The following ACP4 variants were observed in gnomAD, a reference collection of about 807,000 sequenced individuals.
The protein encoded by ACP4 is testicular acid phosphatase.
A neutral mutation model predicts 47.3 loss-of-function variants in ACP4; 49 were observed. The ratio of observed to expected loss-of-function variants is 1.04; its 90% CI spans 0.82 to 1.32. ACP4 has a LOEUF of 1.32. Among genes scored for constraint, ACP4 ranks in the 40% most tolerant of loss-of-function variants. The pLI, the probability that ACP4 is intolerant of heterozygous loss-of-function variation, is 0.00. For synonymous variants in ACP4, 299 were observed against 265.3 expected (o/e 1.13, Z -1.23); for missense variants, 594 against 579.3 (o/e 1.03, Z -0.26).
At chr19:50,791,058 G>A (rs1312967138) in intron 3 of ACP4, among the ~76,000 whole-genome samples, 198 bp downstream of exon 3, 1 of 151,510 alleles carries the variant, frequency 6.6e-6, no homozygotes, top group African/African-American at 2.4e-5. Context: ...GTCACATCTC[G>A]ACCTCTGACC....
intron 6 of ACP4, chr19:50,792,764 C>T (rs67367861): frequency 0.14 from 20,947 of 154,724 alleles, 1,858 homozygotes; most frequent in African/African-American, 0.26. Context: ...TCACTGCAGC[C>T]TCCATCTCCC....
Position 50,794,559 on chromosome 19 carries a change from G to A in ACP4, c.964G>A (p.Gly322Arg). Reference protein sequence around the residue: ...CLGFEFRKHLGNPAKDGGNVT... With the variant: ...CLGFEFRKHLRNPAKDGGNVT... ...CGGCTTTGAGTTCCGGAAGCACCTG[G>A]GGAATCCCGCCAAAGATGGAGGGTG... The change falls in exon 9 of 11, where the codon GGG becomes AGG. Residue 322 changes from glycine to arginine, a missense_variant. Gly to Arg is a moderately radical substitution (Grantham distance 125). Transcript: ENST00000270593. 2 of 1,614,050 alleles carry A rather than the reference G, an allele frequency of 1.2e-6. No homozygotes were observed. Among genetic ancestry groups the A allele is most frequent in the Non-Finnish European group, 1.7e-6 (2 of 1,180,008 alleles).
In ACP4 at chr19:50,794,767, C is replaced by T. The variant is rs961241782; in HGVS notation, c.987-19C>T. On this transcript the variant is annotated intron_variant, in intron 9 of 10. Coordinates refer to ENST00000270593, the MANE Select transcript of ACP4 (RefSeq NM_033068.3). ...CAATGACAGGAGGGAGGAGGTGCCA[C>T]CATGTCCTCTCTCTCCAGGAATGTC... 2.0e-5 allele frequency: 31 copies of T among 1,584,926 alleles called. No individual in the cohort carries two copies. In the South Asian group the frequency reaches 3.1e-4, roughly 16 times the overall value.
rs2089507971 is a variant in ACP4 at position 50,791,662 on chromosome 19, A to C, written c.310A>C (p.Ile104Leu). ...TCTCTCCACCCCGCTCCAGGTGTAC[A>C]TCCGCAGCACGGACTTTGACCGCAC... ...SPEYRREEVY[I>L]RSTDFDRTLE... The change falls in exon 4 of 11, where the codon ATC becomes CTC. Residue 104 changes from isoleucine to leucine, a missense_variant. Transcript: ENST00000270593. 4.3e-6 allele frequency: 7 copies of C among 1,611,320 alleles called. No homozygotes were observed. The highest frequency in any genetic ancestry group is 5.9e-6 in the Non-Finnish European group (7 of 1,178,414).
chr19:50,793,649 G>A (rs1374608659), intron 6 of ACP4, 35 bp from the exon 7 acceptor site: 3 of 1,606,460 alleles, frequency 1.9e-6, no homozygotes, highest in Non-Finnish European at 2.6e-6. Flanking sequence ...AAACTCGAGG[G>A]CTCAGGATGG....
At chr19:50,793,558 G>A (rs930110178) in intron 6 of ACP4, 126 bp from the exon 7 acceptor site, 61 of 1,378,304 alleles carry the variant, frequency 4.4e-5, no homozygotes, top group Non-Finnish European at 5.8e-5. Flanking sequence ...TCCACATCAT[G>A]ATTTCCCAGC....
Position 50,790,869 on chromosome 19 carries a change from A to T in ACP4, c.303+9A>T, listed in dbSNP as rs1331122739. The stretch of plus-strand genomic sequence containing the variant: ...AGTACCGGCGGGAGGAGGTAGGGCC[A>T]TAGTGACCCCCACCTGGCCCCCTGA... On this transcript the variant is annotated intron_variant, in intron 3 of 10. Transcript: ENST00000270593. 1.3e-6 allele frequency: 2 copies of T among 1,543,694 alleles called. No individual in the cohort carries two copies. The highest frequency in any genetic ancestry group is 4.9e-5 in the East Asian group (2 of 40,850).
chr19:50,794,094 C>A, intron 8 of ACP4, 124 bp downstream of exon 8: 2 of 1,126,614 alleles, frequency 1.8e-6, no homozygotes, highest in Non-Finnish European at 2.6e-6. Flanking sequence ...TAACCCGTAT[C>A]TCCAAACCCT....
chr19:50,793,558 G>C, intron 6 of ACP4, 126 bp from the exon 7 acceptor site: 1 of 1,378,424 alleles, frequency 7.3e-7, no homozygotes, highest in Non-Finnish European at 9.9e-7. Flanking sequence ...TCCACATCAT[G>C]ATTTCCCAGC....
rs966328950 is a variant in ACP4 at position 50,793,949 on chromosome 19, C to G, written c.840C>G (p.Leu280=). ...FSRVQRLGLP[L]KMVMYSAHDS... ...GGGTCCAGCGCCTGGGGCTGCCCCT[C>G]AAGATGGTCATGTACTCAGCTGTGA... is the stretch of plus-strand genomic sequence containing the variant. Residue 280 remains leucine (L), a synonymous_variant, in exon 8 of 11, where the codon CTC becomes CTG. Coordinates refer to ENST00000270593, the MANE Select transcript of ACP4 (RefSeq NM_033068.3). 7 of 1,614,088 alleles carry G rather than the reference C, an allele frequency of 4.3e-6. No homozygotes were observed. The Admixed American group carries it at 1.2e-4, about 27-fold the overall frequency.
rs1178209496 is a variant in ACP4, at chr19:50,794,919, C to T, written c.1120C>T (p.His374Tyr). The T allele has an allele frequency of 1.9e-6, 3 of 1,613,532 alleles. No homozygotes were observed. Among genetic ancestry groups the T allele is most frequent in the Admixed American group, 3.3e-5 (2 of 59,964 alleles). Residue 374 changes from histidine (H) to tyrosine (Y), a missense_variant, in exon 10 of 11, where the codon CAT (histidine) becomes TAT (tyrosine). Physicochemically the swap from His to Tyr is moderately conservative, Grantham distance 83. Coordinates refer to ENST00000270593, the MANE Select transcript of ACP4 (RefSeq NM_033068.3). ...GACTGCCCCGGCCCGGCCTCCCGCC[C>T]ATGGGGTCTCCTGCCATGGCCCCTA... ...QLTAPARPPA[H>Y]GVSCHGPYEA...
Position 50,790,804 on chromosome 19 carries a change from C to G in ACP4, c.247C>G (p.Arg83Gly). The G allele has an allele frequency of 1.3e-6, 2 of 1,548,546 alleles. No homozygotes were observed. Among genetic ancestry groups the G allele is most frequent in the Non-Finnish European group, 1.7e-6 (2 of 1,146,782 alleles). Residue 83 changes from arginine (R) to glycine (G), a missense_variant, in exon 3 of 11, where the codon CGC becomes GGC. Physicochemically the swap from Arg to Gly is moderately radical, Grantham distance 125. Coordinates refer to ENST00000270593, the MANE Select transcript of ACP4 (RefSeq NM_033068.3). ...GGTCCGCCAGCAGCTGGAGCTGGGC[C>G]GCTTCCTGAGGAGCCGCTACGAGGC... ...EGVRQQLELG[R>G]FLRSRYEAFL... is the part of the protein sequence containing the mutation.
chr19:50,791,723 T>G lies in ACP4; in HGVS notation c.371T>G (p.Phe124Cys). Reference protein sequence around the residue: ...ESAQANLAGLFPEAAPGSPEA... With the variant: ...ESAQANLAGLCPEAAPGSPEA... Reference sequence around the variant, plus strand: ...GCCCAGGCCAACCTTGCCGGGCTGTTTCCCGAGGCTGCTCCAGGGAGCCCC... The same window carrying G: ...GCCCAGGCCAACCTTGCCGGGCTGTGTCCCGAGGCTGCTCCAGGGAGCCCC... The change falls in exon 4 of 11, where the codon TTT (phenylalanine) becomes TGT (cysteine). Residue 124 changes from phenylalanine to cysteine, a missense_variant. Physicochemically the swap from Phe to Cys is radical, Grantham distance 205. Transcript: ENST00000270593. The G allele has an allele frequency of 6.2e-7, 1 of 1,613,224 alleles. No individual in the cohort carries two copies. The highest frequency in any genetic ancestry group is 8.5e-7 in the Non-Finnish European group (1 of 1,179,890).
chr19:50,791,951 C>T, intron 4 of ACP4, 122 bp from the exon 5 acceptor site: 3 of 1,451,444 alleles, frequency 2.1e-6, no homozygotes, highest in Non-Finnish European at 2.8e-6. Context: ...CCACGCTGCT[C>T]TCCTGGATCT....
intron 6 of ACP4, 37 bp from the exon 7 acceptor site, chr19:50,793,647 G>A: frequency 6.2e-7 from 1 of 1,600,482 alleles, no homozygotes; most frequent in South Asian, 1.1e-5. Flanking sequence ...GCAAACTCGA[G>A]GGCTCAGGAT....
intron 6 of ACP4, chr19:50,793,354 A>T (rs996656822): frequency 6.1e-6 from 1 of 162,970 alleles, no homozygotes; most frequent in South Asian, 1.6e-4. Flanking sequence ...TACTAAAAAT[A>T]AAAAAAAAAA....
intron 8 of ACP4, 95 bp from the exon 9 acceptor site, chr19:50,794,362 A>G (rs2089536734): frequency 1.3e-6 from 2 of 1,533,862 alleles, no homozygotes; most frequent in Non-Finnish European, 1.8e-6. Context: ...GGTTGGTTCT[A>G]AGAAGCCTGG....
At chr19:50,792,009 C>A in intron 4 of ACP4, 64 bp from the exon 5 acceptor site, 1 of 1,502,526 alleles carries the variant, frequency 6.7e-7, no homozygotes, top group South Asian at 1.3e-5. Context: ...CGGGTTCCCC[C>A]GACCCGCTGT....
chr19:50,790,672 C>T lies in ACP4; in HGVS notation c.190C>T (p.Pro64Ser), dbSNP rs915112555. 14 of 1,551,358 alleles carry T rather than the reference C, an allele frequency of 9.0e-6. No individual in the cohort carries two copies. The highest frequency in any genetic ancestry group is 2.7e-5 in the African/African-American group (2 of 73,350). ...PHKEVASTLW[P>S]RGLGQLTTEG... Reference sequence around the variant, plus strand: ...CAAGGAGGTGGCCTCCACCCTGTGGCCACGAGGCCTGGGCCAGCTGACCAC... The same window carrying T: ...CAAGGAGGTGGCCTCCACCCTGTGGTCACGAGGCCTGGGCCAGCTGACCAC... Residue 64 changes from proline to serine, a missense_variant, in exon 2 of 11, where the codon CCA (proline) becomes TCA (serine). Transcript: ENST00000270593.
Sources: allele counts gnomAD v4.1 joint callset (sites outside exome capture counted in the v4.1 genomes callset), GRCh38; gene constraint gnomAD v4.1.1; transcripts MANE v1.5; gene names NCBI Gene and HGNC (gene_info 2026-07-23, HGNC 2026-07-21).